The following STAT3 variants were observed in gnomAD, a reference collection of about 807,000 sequenced individuals.
STAT3 encodes DNA-binding protein APRF.
Under a neutral mutation model 114.3 loss-of-function variants are expected in STAT3, and 7 were observed. The observed-to-expected ratio is 0.06, with a 90% confidence interval of 0.03 to 0.11. STAT3 has a LOEUF of 0.11. STAT3 is among the 10% of genes least tolerant of loss of function. STAT3 has a pLI of 1.00. For synonymous variants in STAT3, 331 were observed against 354.5 expected (o/e 0.93, Z 0.74); for missense variants, 364 against 960.9 (o/e 0.38, Z 8.21).
At chr17:42,330,480 G>A (rs2081962185) in intron 11 of STAT3, among the ~76,000 whole-genome samples, 1 of 143,858 alleles carries the variant, frequency 7.0e-6, no homozygotes, top group Non-Finnish European at 1.5e-5. Flanking sequence ...CCAGGCTGGA[G>A]TGCAGTGGTG....
At chr17:42,378,849 T>G (rs2084620303) in intron 1 of STAT3, among the ~76,000 whole-genome samples, 1 of 152,200 alleles carries the variant, frequency 6.6e-6, no homozygotes, top group South Asian at 2.1e-4. Context: ...TGCTTTTAGA[T>G]TCTGTCAGAA....
chr17:42,346,153 A>G (rs2082691623), intron 3 of STAT3, among the ~76,000 whole-genome samples: 1 of 152,174 alleles, frequency 6.6e-6, no homozygotes, highest in South Asian at 2.1e-4. Context: ...TGTTGGGATT[A>G]CAGGCGTGAG....
rs1035572419 is a variant in STAT3, at chr17:42,355,784, C to T, written c.-23-7245G>A. On this transcript the variant is annotated intron_variant, in intron 1 of 23. Coordinates refer to ENST00000264657, the MANE Select transcript of STAT3 (RefSeq NM_139276.3). ...TGAAACCAAAAGATATATTGAGAAA[C>T]GCAGTCAAGACCACTTACAAAAGGG... 7.2e-5 allele frequency among the ~76,000 whole-genome samples: 11 copies of T among 152,200 alleles called. No individual in the cohort carries two copies. In the East Asian group the frequency reaches 1.5e-3, roughly 21 times the overall value.
intron 1 of STAT3, among the ~76,000 whole-genome samples, chr17:42,349,749 A>G (rs2082854373): frequency 6.6e-6 from 1 of 152,200 alleles, no homozygotes; most frequent in South Asian, 2.1e-4. Flanking sequence ...ATAGAGGCCA[A>G]GTTGTTTTAA....
At position 42,331,371 on chromosome 17, in the gene STAT3, T is replaced by C. The variant is rs112667778; in HGVS notation, c.1109+101A>G. 1,125 of 1,102,844 alleles carry C rather than the reference T, an allele frequency of 1.0e-3. 5 individuals carry two copies. The highest frequency in any genetic ancestry group is 1.9e-3 in the South Asian group (138 of 71,820). 68.3% of individuals were successfully genotyped at this position (1,102,844 alleles called of 1,614,324 possible). A position where few individuals can be genotyped will look rare whatever the true frequency, so the allele number is the denominator to read the frequency against. On this transcript the variant is annotated intron_variant, in intron 11 of 23. Transcript: ENST00000264657. ...AAAACTTTTGTCCACAAAATGAAGATCTCTGAATAAAGACAGAGTCTCTAG... is the reference window on the plus strand; with the variant it reads ...AAAACTTTTGTCCACAAAATGAAGACCTCTGAATAAAGACAGAGTCTCTAG...
At chr17:42,315,931 G>A (rs1006097626) in intron 23 of STAT3, 131 bp from the exon 24 acceptor site, 58 of 1,566,432 alleles carry the variant, frequency 3.7e-5, no homozygotes, top group Non-Finnish European at 4.4e-5. Flanking sequence ...TAAGGCCCAG[G>A]GATGGTCAGA....
chr17:42,363,863 T>C (rs2083641332), intron 1 of STAT3, among the ~76,000 whole-genome samples: 2 of 152,256 alleles, frequency 1.3e-5, no homozygotes, highest in South Asian at 2.1e-4. Context: ...AAAATGCTTT[T>C]TTCTCTGGGT....
At chr17:42,319,670 A>ATGC (rs1251931806) in intron 21 of STAT3, among the ~76,000 whole-genome samples, 1 of 152,096 alleles carries the variant, frequency 6.6e-6, no homozygotes, top group Non-Finnish European at 1.5e-5. Context: ...CCATAAGGAA[A>ATGC]TGCTATGTGG....
chr17:42,383,245 C>T (rs916021138), intron 1 of STAT3, among the ~76,000 whole-genome samples: 5 of 152,022 alleles, frequency 3.3e-5, no homozygotes, highest in African/African-American at 1.2e-4. Flanking sequence ...TTAGTAGAGA[C>T]GGGGTTTTAC....
intron 10 of STAT3, among the ~76,000 whole-genome samples, chr17:42,332,467 G>A (rs1251449194): frequency 1.4e-5 from 2 of 147,290 alleles, no homozygotes; most frequent in South Asian, 2.2e-4. Context: ...GAACCCAGGA[G>A]GCAGAGGCTG....
chr17:42,380,389 T>C (rs966115641), intron 1 of STAT3, among the ~76,000 whole-genome samples: 2 of 150,910 alleles, frequency 1.3e-5, no homozygotes, highest in African/African-American at 4.9e-5. Context: ...TGCTTTTTGT[T>C]TTTCGGTTTT....
At position 42,334,037 on chromosome 17, in the gene STAT3, T is replaced by C. The variant is rs1567718591; in HGVS notation, c.810A>G (p.Leu270=). Residue 270 remains leucine (L), a synonymous_variant, in exon 9 of 24, where the codon TTA becomes TTG. Transcript: ENST00000264657. ...LDRLENWITS[L]AESQLQTRQQ... is the part of the protein sequence containing the mutation. ...GACGGGTCTGAAGTTGAGATTCTGC[T>C]AATGACGTTATCCTGCCAATAAATT... 1.9e-6 allele frequency: 3 copies of C among 1,614,040 alleles called. No individual in the cohort carries two copies. Among genetic ancestry groups the C allele is most frequent in the Non-Finnish European group, 2.5e-6 (3 of 1,180,036 alleles).
rs35099574 is a variant in STAT3, at chr17:42,358,933, C to CTTTTTTTTTTTTTT, written c.-23-10408_-23-10395dup. 1.4e-4 allele frequency among the ~76,000 whole-genome samples: 14 copies of CTTTTTTTTTTTTTT among 100,500 alleles called. 1 individual carries two copies. The highest frequency in any genetic ancestry group is 2.9e-4 in the East Asian group (1 of 3,450). The allele number at this position is 100,500 out of a possible 152,430, so 65.9% of individuals were successfully genotyped here. A position where few individuals can be genotyped will look rare whatever the true frequency, so the allele number is the denominator to read the frequency against. ...GTCTCCCTTTCATGGACATTTCTTA[C>CTTTTTTTTTTTTTT]TTTTTTTTTTTTTTTTTTTGAGATG... On this transcript the variant is annotated intron_variant, in intron 1 of 23. Coordinates refer to ENST00000264657, the MANE Select transcript of STAT3 (RefSeq NM_139276.3).
rs190803734 is a variant in STAT3 at position 42,330,704 on chromosome 17, C to T, written c.1109+768G>A. Among the ~76,000 whole-genome samples the T allele has an allele frequency of 2.3e-3, 354 of 152,236 alleles. 1 individual carries two copies. Among genetic ancestry groups the T allele is most frequent in the African/African-American group, 8.0e-3 (331 of 41,514 alleles). On this transcript the variant is annotated intron_variant, in intron 11 of 23. Coordinates refer to ENST00000264657, the MANE Select transcript of STAT3 (RefSeq NM_139276.3). Reference sequence around the variant, plus strand: ...TCGGCCTCCCAAAGTGCTGGGATTACAGGCATGAGCCACCGCGCCCGGCCC... The same window carrying T: ...TCGGCCTCCCAAAGTGCTGGGATTATAGGCATGAGCCACCGCGCCCGGCCC...
intron 21 of STAT3, among the ~76,000 whole-genome samples, chr17:42,321,781 G>A (rs1003127440): frequency 2.0e-5 from 3 of 152,084 alleles, no homozygotes; most frequent in African/African-American, 2.4e-5. Context: ...TTCCCTTCTC[G>A]TGTTTCAGGC....
intron 1 of STAT3, among the ~76,000 whole-genome samples, chr17:42,358,901 C>T (rs933455179): frequency 3.7e-4 from 55 of 150,540 alleles, no homozygotes; most frequent in Admixed American, 6.0e-4. Flanking sequence ...TGTTCCTTTC[C>T]CCCAGGGTCT....
intron 15 of STAT3, among the ~76,000 whole-genome samples, chr17:42,325,876 T>C (rs1336877293): frequency 6.6e-6 from 1 of 152,174 alleles, no homozygotes; most frequent in Admixed American, 6.5e-5. Context: ...AATTTCTAAA[T>C]AGAGATTTTC....
chr17:42,337,544 A>G lies in STAT3; in HGVS notation c.688T>C (p.Tyr230His). The change falls in exon 8 of 24, where the codon TAC becomes CAC. Residue 230 changes from tyrosine to histidine, a missense_variant. Physicochemically the swap from Tyr to His is moderately conservative, Grantham distance 83. Around this residue, in one of 5 missense-constraint regions of STAT3, gnomAD observed 294 missense variants for 745.1 expected, o/e 0.39. Transcript: ENST00000264657. This position sits in a 1 kb window ranked among gnomAD's most constrained non-coding sequence, Gnocchi z 4.0. ...ELAGLLSAMEYVQKTLTDEEL... is the reference protein window; with the variant it reads ...ELAGLLSAMEHVQKTLTDEEL... Reference sequence around the variant, plus strand: ...TCGTCCGTGAGAGTTTTCTGCACGTACTCCATCGCTGACAAAAGCCCCGCC... The same window carrying G: ...TCGTCCGTGAGAGTTTTCTGCACGTGCTCCATCGCTGACAAAAGCCCCGCC... The G allele has an allele frequency of 6.2e-7, 1 of 1,613,976 alleles. No homozygotes were observed. The highest frequency in any genetic ancestry group is 8.5e-7 in the Non-Finnish European group (1 of 1,180,002).
intron 4 of STAT3, among the ~76,000 whole-genome samples, chr17:42,344,932 A>G (rs1051847695): frequency 1.5e-4 from 23 of 152,002 alleles, no homozygotes; most frequent in African/African-American, 5.6e-4. Context: ...TATACTTTGG[A>G]AAAGTTTGAA....
Sources: allele counts gnomAD v4.1 joint callset (sites outside exome capture counted in the v4.1 genomes callset), GRCh38; gene constraint gnomAD v4.1.1; regional missense constraint gnomAD v4.1.1; non-coding constraint Gnocchi (gnomAD v3.1); transcripts MANE v1.5; gene names NCBI Gene and HGNC (gene_info 2026-07-23, HGNC 2026-07-21).